Variants in ATRX observed in about 807,000 individuals in gnomAD.
The protein encoded by ATRX is chromatin remodeler ATRX.
In ATRX, 12 loss-of-function variants were observed where a neutral mutation model predicts 172.6. That is an observed-to-expected ratio of 0.07 (90% CI 0.04 to 0.11). The LOEUF is 0.11. Among genes scored for constraint, ATRX ranks in the 10% least tolerant of loss-of-function variants. The pLI, the probability that ATRX is intolerant of heterozygous loss-of-function variation, is 1.00. For missense variants in ATRX, 1,368 were observed against 1,767.4 expected (o/e 0.77, Z 4.05); for synonymous variants, 674 against 594.7 (o/e 1.13, Z -1.94).
At chrX:77,776,323 T>A (rs1233252533) in intron 1 of ATRX, among the ~76,000 whole-genome samples, 3 of 109,827 alleles carry the variant, frequency 2.7e-5, no homozygotes, top group African/African-American at 9.8e-5. Flanking sequence ...TAACTAATAT[T>A]TGAGTAACAA....
intron 15 of ATRX, among the ~76,000 whole-genome samples, chrX:77,651,217 C>CAAAAAAAAAAAAAAAA (rs1170232589): frequency 6.1e-5 from 1 of 16,482 alleles, no homozygotes; most frequent in African/African-American, 2.5e-4. Context: ...AACTCCATCT[C>CAAAAAAAAAAAAAAAA]AAAAAAAAAA....
intron 20 of ATRX, 98 bp downstream of exon 20, chrX:77,620,297 A>C: frequency 1.1e-6 from 1 of 943,329 alleles, no homozygotes; most frequent in Middle Eastern, 3.8e-4. Context: ...GTCTAGGACT[A>C]TACTAGAATA....
At chrX:77,585,421 C>T (rs2065970619) in intron 27 of ATRX, among the ~76,000 whole-genome samples, 1 of 104,899 alleles carries the variant, frequency 9.5e-6, no homozygotes, top group African/African-American at 3.5e-5. Flanking sequence ...CAAAAAAATA[C>T]AAAAATTAGC....
intron 12 of ATRX, among the ~76,000 whole-genome samples, chrX:77,657,653 A>C (rs1320717082): frequency 8.9e-6 from 1 of 111,853 alleles, no homozygotes; most frequent in Non-Finnish European, 1.9e-5. Flanking sequence ...AATCTCCCTT[A>C]CAATTACTAA....
intron 30 of ATRX, among the ~76,000 whole-genome samples, chrX:77,529,407 A>G (rs940886213): frequency 1.8e-5 from 2 of 111,598 alleles, no homozygotes; most frequent in South Asian, 3.8e-4. Flanking sequence ...AGCCAGAGAG[A>G]AAGGCCAGGT....
chrX:77,720,515 A>C (rs2073697960), intron 1 of ATRX, among the ~76,000 whole-genome samples: 1 of 112,086 alleles, frequency 8.9e-6, no homozygotes, highest in African/African-American at 3.2e-5. Context: ...TCCCACAAAA[A>C]TACAAACTAC....
rs782273889 is a variant in ATRX at position 77,638,344 on chromosome X, G to A, written c.4558-2288C>T. ...CAAAATTAGCCAAGCGCAGTGGCGC[G>A]CGCCTATAGTCCCAGCTACTCAGGA... On this transcript the variant is annotated intron_variant, in intron 15 of 34. Transcript: ENST00000373344. Among the ~76,000 whole-genome samples the A allele has an allele frequency of 8.9e-5, 10 of 112,636 alleles. No individual in the cohort carries two copies. The South Asian group carries it at 3.3e-3, about 37-fold the overall frequency.
rs376764296 is a variant in ATRX at position 77,652,374 on chromosome X, G to A, written c.4318-21C>T. ...TTACTCTACAGAATTTAAACAATTA[G>A]AGGTAAACAGTACAAAGTCATTTAA... On this transcript the variant is annotated intron_variant, in intron 14 of 34. Coordinates refer to ENST00000373344, the MANE Select transcript of ATRX (RefSeq NM_000489.6). The A allele has an allele frequency of 1.3e-5, 15 of 1,186,199 alleles. No individual in the cohort carries two copies. The African/African-American group carries it at 2.1e-4, about 17-fold the overall frequency.
intron 27 of ATRX, among the ~76,000 whole-genome samples, chrX:77,582,591 A>G (rs1261829959): frequency 1.8e-5 from 2 of 111,218 alleles, no homozygotes; most frequent in East Asian, 5.6e-4. Context: ...CAAAACTGAC[A>G]AACTTTGAGA....
chrX:77,595,247 T>C (rs1602712587), intron 25 of ATRX: 3 of 111,395 alleles, frequency 2.7e-5, no homozygotes, highest in African/African-American at 9.8e-5. Context: ...TCCTAGCTTT[T>C]CCTAAGGTTA....
At chrX:77,759,436 G>A (rs1557191807) in intron 1 of ATRX, among the ~76,000 whole-genome samples, 1 of 111,531 alleles carries the variant, frequency 9.0e-6, no homozygotes, top group East Asian at 2.8e-4. Flanking sequence ...AGTGAAGGCT[G>A]GGAGCAGTGA....
In ATRX at chrX:77,686,671, C is replaced by T. The variant is rs782202620; in HGVS notation, c.595-1665G>A. On this transcript the variant is annotated intron_variant, in intron 7 of 34. Transcript: ENST00000373344. ...CGGAGGTTGCAGTGAGCCAAGATCA[C>T]GCCATTGCACTCCAGCCTGGGCAAC... Among the ~76,000 whole-genome samples the T allele has an allele frequency of 8.1e-5, 9 of 110,897 alleles. No individual in the cohort carries two copies. In the South Asian group the frequency reaches 1.5e-3, roughly 19 times the overall value.
intron 15 of ATRX, among the ~76,000 whole-genome samples, chrX:77,651,581 G>A (rs1220255990): frequency 8.9e-6 from 1 of 111,958 alleles, no homozygotes; most frequent in Non-Finnish European, 1.9e-5. Context: ...GTTGAGGCTG[G>A]GCAAGGTGGC....
chrX:77,689,614 T>A (rs1256311367), intron 6 of ATRX, among the ~76,000 whole-genome samples: 1 of 111,847 alleles, frequency 8.9e-6, no homozygotes, highest in Non-Finnish European at 1.9e-5. Context: ...AAAGGCAGAG[T>A]CCCATTCTGT....
At chrX:77,521,920 T>C (rs984791650) in intron 32 of ATRX, 1 of 238,759 alleles carries the variant, frequency 4.2e-6, no homozygotes, top group Middle Eastern at 1.4e-3. Flanking sequence ...AGTTAATGAG[T>C]ATATTTATCT....
chrX:77,589,531 T>C (rs1188697251), intron 27 of ATRX, among the ~76,000 whole-genome samples: 2 of 111,853 alleles, frequency 1.8e-5, no homozygotes, highest in Non-Finnish European at 3.8e-5. Flanking sequence ...TTAGCTGCTC[T>C]TGTCACCAAA....
chrX:77,777,605 C>T (rs1557203116), intron 1 of ATRX, among the ~76,000 whole-genome samples: 1 of 111,115 alleles, frequency 9.0e-6, no homozygotes, highest in African/African-American at 3.3e-5. Context: ...TATAGCAAAA[C>T]TAAATCTGGA....
intron 19 of ATRX, among the ~76,000 whole-genome samples, chrX:77,623,756 G>T (rs1329804825): frequency 9.0e-6 from 1 of 111,537 alleles, no homozygotes; most frequent in Non-Finnish European, 1.9e-5. Flanking sequence ...ACACATACAA[G>T]TAAATAAATG....
intron 10 of ATRX, among the ~76,000 whole-genome samples, chrX:77,670,142 C>G (rs2070476915): frequency 1.8e-5 from 2 of 111,518 alleles, no homozygotes; most frequent in South Asian, 7.4e-4. Context: ...AAGAAAATTG[C>G]TGGAAAAAAA....
Sources: allele counts gnomAD v4.1 joint callset (sites outside exome capture counted in the v4.1 genomes callset), GRCh38; gene constraint gnomAD v4.1.1; transcripts MANE v1.5; gene names NCBI Gene and HGNC (gene_info 2026-07-23, HGNC 2026-07-21).